Variants in RBM4B observed in about 807,000 individuals in gnomAD.
The protein encoded by RBM4B is RNA binding motif protein 4B.
Under a neutral mutation model 28.5 loss-of-function variants are expected in RBM4B, and 13 were observed. The ratio of observed to expected loss-of-function variants is 0.46; its 90% CI spans 0.30 to 0.72. RBM4B has a LOEUF of 0.72. Among genes scored for constraint, RBM4B ranks in the 30% least tolerant of loss-of-function variants. The pLI is 0.09. For synonymous variants in RBM4B, 167 were observed against 179.1 expected, an observed-to-expected ratio of 0.93 and a Z score of 0.54; for missense variants, 387 against 477.6, an observed-to-expected ratio of 0.81 and a Z score of 1.77.
chr11:66,677,318 A>T, intron 1 of RBM4B: 1 of 578,920 alleles, frequency 1.7e-6, no homozygotes, highest in Middle Eastern at 4.6e-4. Context: ...CCAGTCTATC[A>T]TCTCCGTGAA....
chr11:66,666,011 T>G, intron 3 of RBM4B: 1 of 1,433,820 alleles, frequency 7.0e-7, no homozygotes, highest in Middle Eastern at 1.8e-4. Context: ...TGTTTTGTTT[T>G]AATCTTTCAC....
At chr11:66,673,721 A>T (rs1939543949) in intron 2 of RBM4B, among the ~76,000 whole-genome samples, 1 of 152,188 alleles carries the variant, frequency 6.6e-6, no homozygotes, top group African/African-American at 2.4e-5. Context: ...TCGGCCTTCC[A>T]GAGTGCTGGG....
Position 66,670,915 on chromosome 11 carries a change from G to C in RBM4B, c.413-1624C>G, listed in dbSNP as rs747169579. 1.0e-5 allele frequency: 7 copies of C among 702,540 alleles called. No homozygotes were observed. The South Asian group carries it at 1.0e-4, about 10-fold the overall frequency. 43.5% of individuals were successfully genotyped at this position (702,540 alleles called of 1,614,324 possible). A position where few individuals can be genotyped will look rare whatever the true frequency, so the allele number is the denominator to read the frequency against. On this transcript the variant is annotated intron_variant, in intron 2 of 3. Transcript: ENST00000310046. ...CAAATCCCCCCTCTGCAATCAGCAAGTTGCTCTCTCTTTAACAGACCTTCT... is the reference window on the plus strand; with the variant it reads ...CAAATCCCCCCTCTGCAATCAGCAACTTGCTCTCTCTTTAACAGACCTTCT...
chr11:66,669,216 T>TG lies in RBM4B; in HGVS notation c.487_488insC (p.Tyr163SerfsTer26). ...CCAGTGCCCTTCTTTCCCACACCGA[T>TG]AGCAGCCACTCTGGTCTCCCATACC... On this transcript the variant is annotated frameshift_variant, in exon 3 of 4. Transcript: ENST00000310046. LOFTEE classifies it high-confidence loss of function. 6.2e-7 allele frequency: 1 copy of TG among 1,614,184 alleles called. No homozygotes were observed. The highest frequency in any genetic ancestry group is 8.5e-7 in the Non-Finnish European group (1 of 1,180,034).
chr11:66,676,513 G>C (rs1225203285), intron 2 of RBM4B, 155 bp downstream of exon 2: 20 of 896,254 alleles, frequency 2.2e-5, no homozygotes, highest in Non-Finnish European at 3.2e-5. Context: ...TGCTTCCCCA[G>C]GGGTAAATTA....
Position 66,665,559 on chromosome 11 carries a change from T to C in RBM4B, c.*29A>G. The C allele has an allele frequency of 6.5e-7, 1 of 1,533,438 alleles. No homozygotes were observed. The highest frequency in any genetic ancestry group is 1.7e-4 in the Middle Eastern group (1 of 5,980). 95.0% of individuals were successfully genotyped at this position (1,533,438 alleles called of 1,614,324 possible). On this transcript the variant is annotated 3_prime_UTR_variant, in exon 4 of 4. Transcript: ENST00000310046. ...TCATATATGACCGCAGCCCGAGGGT[T>C]CAGTCCGCAATTATCCTACCTGAAA...
Position 66,665,524 on chromosome 11 carries a change from G to T in RBM4B, c.*64C>A. 7.1e-7 allele frequency: 1 copy of T among 1,401,200 alleles called. No homozygotes were observed. Among genetic ancestry groups the T allele is most frequent in the Non-Finnish European group, 9.8e-7 (1 of 1,023,686 alleles). 86.8% of individuals were successfully genotyped at this position (1,401,200 alleles called of 1,614,324 possible). A position where few individuals can be genotyped will look rare whatever the true frequency, so the allele number is the denominator to read the frequency against. ...ACATCCCGGCAAAGGGGACCGCGCG[G>T]AGCAAGTTCTCATATATGACCGCAG... On this transcript the variant is annotated 3_prime_UTR_variant, in exon 4 of 4. Coordinates refer to ENST00000310046, the MANE Select transcript of RBM4B (RefSeq NM_031492.4).
In RBM4B at chr11:66,669,103, A is replaced by G; in HGVS notation, c.601T>C (p.Tyr201His). 6.2e-7 allele frequency: 1 copy of G among 1,614,120 alleles called. No individual in the cohort carries two copies. The highest frequency in any genetic ancestry group is 8.5e-7 in the Non-Finnish European group (1 of 1,180,024). ...NEQYGAVRTP[Y>H]TMGYGESMYY... is the part of the protein sequence containing the mutation. ...ATGGATTCCCCGTAGCCCATGGTGT[A>G]AGGTGTTCGAACTGCTCCATATTGT... is the stretch of plus-strand genomic sequence containing the variant. The change falls in exon 3 of 4, where the codon TAC (tyrosine) becomes CAC (histidine). Residue 201 changes from tyrosine to histidine, a missense_variant. Physicochemically the swap from Tyr to His is moderately conservative, Grantham distance 83. Around this residue, in one of 2 missense-constraint regions of RBM4B, gnomAD observed 226 missense variants for 220.6 expected, o/e 1.02. Transcript: ENST00000310046.
intron 2 of RBM4B, among the ~76,000 whole-genome samples, chr11:66,671,394 A>G (rs1406454511): frequency 6.6e-6 from 1 of 152,240 alleles, no homozygotes; most frequent in Non-Finnish European, 1.5e-5. Flanking sequence ...AAAAGATTAT[A>G]AATGACTTGG....
intron 2 of RBM4B, 196 bp downstream of exon 2, chr11:66,676,472 C>T (rs1259894797): frequency 4.5e-6 from 3 of 670,986 alleles, no homozygotes; most frequent in Non-Finnish European, 7.4e-6. Flanking sequence ...CGGTGAGCAA[C>T]ATCTTAGCAA....
chr11:66,668,565 T>A, intron 3 of RBM4B, 50 bp downstream of exon 3: 1 of 1,478,620 alleles, frequency 6.8e-7, no homozygotes, highest in Admixed American at 1.9e-5. Context: ...CATGGGTCTC[T>A]TTCAAGGGAA....
chr11:66,668,575 A>C (rs753564329), intron 3 of RBM4B, 40 bp downstream of exon 3: 1 of 1,500,846 alleles, frequency 6.7e-7, no homozygotes, highest in African/African-American at 1.4e-5. Context: ...TTTCAAGGGA[A>C]CTAAATGGAA....
chr11:66,673,235 CTGAT>C (rs766176616), intron 2 of RBM4B, among the ~76,000 whole-genome samples: 5 of 151,858 alleles, frequency 3.3e-5, no homozygotes, highest in Admixed American at 2.0e-4. Context: ...ATTAAGCTGC[CTGAT>C]TGTTATTTGG....
intron 3 of RBM4B, chr11:66,665,789 A>G: frequency 1.4e-6 from 2 of 1,395,008 alleles, no homozygotes; most frequent in Non-Finnish European, 1.9e-6. Flanking sequence ...CTATATATAT[A>G]GGACAAGATG....
intron 3 of RBM4B, chr11:66,667,652 T>C (rs560844082): frequency 6.6e-6 from 1 of 151,990 alleles, no homozygotes; most frequent in Non-Finnish European, 1.5e-5. Context: ...GTAGGTATGA[T>C]ATTAGAAGAG....
chr11:66,665,393 C>A lies in RBM4B; in HGVS notation c.*195G>T. The stretch of plus-strand genomic sequence containing the variant: ...ATATAAGGAACAGAGTGAAAGGCTA[C>A]AGAGACTAGTTTCAGGAGGAAAGAA... On this transcript the variant is annotated 3_prime_UTR_variant, in exon 4 of 4. Coordinates refer to ENST00000310046, the MANE Select transcript of RBM4B (RefSeq NM_031492.4). 2 of 630,486 alleles carry A rather than the reference C, an allele frequency of 3.2e-6. No homozygotes were observed. The highest frequency in any genetic ancestry group is 3.7e-5 in the South Asian group (2 of 53,596). The allele number at this position is 630,486 out of a possible 1,614,324, so 39.1% of individuals were successfully genotyped here. A position where few individuals can be genotyped will look rare whatever the true frequency, so the allele number is the denominator to read the frequency against.
chr11:66,666,214 C>T lies in RBM4B; in HGVS notation c.*10-636G>A, dbSNP rs986504775. ...TCATTCCTAGAATTCTCTAATCCTT[C>T]TATTGATGATGGGAACTCCAGACAC... is the stretch of plus-strand genomic sequence containing the variant. On this transcript the variant is annotated intron_variant, in intron 3 of 3. Transcript: ENST00000310046. 10 of 870,004 alleles carry T rather than the reference C, an allele frequency of 1.1e-5. No individual in the cohort carries two copies. In the African/African-American group the frequency reaches 1.8e-4, roughly 15 times the overall value. 53.9% of individuals were successfully genotyped at this position (870,004 alleles called of 1,614,324 possible).
At chr11:66,677,491 T>C (rs998355072) in intron 1 of RBM4B, 3 of 179,182 alleles carry the variant, frequency 1.7e-5, no homozygotes, top group African/African-American at 4.7e-5. Context: ...CCTTTCAAGA[T>C]ACTCTAAAAA....
At chr11:66,669,418 G>T (rs1279498733) in intron 2 of RBM4B, 127 bp from the exon 3 acceptor site, 2 of 862,272 alleles carry the variant, frequency 2.3e-6, no homozygotes, top group Non-Finnish European at 3.5e-6. Flanking sequence ...CCCTATTTCA[G>T]CAACCTCCTT....
Sources: gnomAD v4.1 joint callset for allele counts (sites outside exome capture counted in the v4.1 genomes callset) on GRCh38, gnomAD v4.1.1 for gene constraint, gnomAD v4.1.1 regional missense constraint, MANE v1.5 for transcripts, NCBI Gene and HGNC (gene_info 2026-07-23, HGNC 2026-07-21) for gene names.